Variants in SUGCT observed in about 807,000 individuals in gnomAD.
The protein encoded by SUGCT is succinyl-CoA:glutarate-CoA transferase.
SUGCT carries 41 observed loss-of-function variants against 55.0 expected under a neutral mutation model. That is an observed-to-expected ratio of 0.74 (90% CI 0.58 to 0.97). SUGCT has a LOEUF of 0.97. Ranked by LOEUF, SUGCT falls within the 50% of genes least tolerant of loss-of-function variation. The pLI is 0.00. For synonymous variants in SUGCT, 187 were observed against 200.4 expected (o/e 0.93, Z 0.56); for missense variants, 568 against 547.8 (o/e 1.04, Z -0.37).
intron 12 of SUGCT, among the ~76,000 whole-genome samples, chr7:40,727,399 T>C (rs1363886089): frequency 6.6e-6 from 1 of 152,220 alleles, no homozygotes; most frequent in Non-Finnish European, 1.5e-5. Flanking sequence ...AGCAGTGGAA[T>C]CTAGCCCATT....
At chr7:40,337,345 G>A (rs1796772566) in intron 9 of SUGCT, among the ~76,000 whole-genome samples, 1 of 152,114 alleles carries the variant, frequency 6.6e-6, no homozygotes, top group East Asian at 1.9e-4. Context: ...GTTGACAGTG[G>A]GGTGTTAAAG....
chr7:40,232,599 C>A (rs1416359112), intron 6 of SUGCT, among the ~76,000 whole-genome samples: 1 of 152,098 alleles, frequency 6.6e-6, no homozygotes, highest in African/African-American at 2.4e-5. Flanking sequence ...GGTAGGCAGG[C>A]CAGATCATAT....
chr7:40,265,916 A>C (rs888100856), intron 7 of SUGCT, among the ~76,000 whole-genome samples: 1 of 152,088 alleles, frequency 6.6e-6, no homozygotes, highest in African/African-American at 2.4e-5. Flanking sequence ...ACGCCCCTGC[A>C]CTGCAGCCTG....
chr7:40,564,003 A>C (rs1029378164), intron 12 of SUGCT, among the ~76,000 whole-genome samples: 2 of 152,176 alleles, frequency 1.3e-5, no homozygotes, highest in African/African-American at 4.8e-5. Flanking sequence ...CAGAGAAAAA[A>C]ATATCTAGAA....
intron 12 of SUGCT, among the ~76,000 whole-genome samples, chr7:40,714,974 T>C (rs901975353): frequency 6.6e-6 from 1 of 152,180 alleles, no homozygotes; most frequent in Non-Finnish European, 1.5e-5. Flanking sequence ...AGTTCTATCA[T>C]GTTCCTAAAA....
At chr7:40,142,882 G>T (rs1338583751) in intron 1 of SUGCT, among the ~76,000 whole-genome samples, 1 of 152,152 alleles carries the variant, frequency 6.6e-6, no homozygotes, top group East Asian at 1.9e-4. Context: ...AGCATCTCTA[G>T]TATAGTTAAT....
intron 9 of SUGCT, among the ~76,000 whole-genome samples, chr7:40,376,718 C>T (rs17171703): frequency 0.11 from 16,437 of 149,080 alleles, 1,350 homozygotes; most frequent in East Asian, 0.49. Context: ...AATGTCTTCT[C>T]GTGTCAACAT....
chr7:40,284,993 T>C (rs1236737321), intron 8 of SUGCT, among the ~76,000 whole-genome samples: 2 of 152,158 alleles, frequency 1.3e-5, no homozygotes, highest in African/African-American at 4.8e-5. Context: ...TTCATGGGCA[T>C]TGCATATTTT....
At chr7:40,288,887 C>T (rs752646422) in intron 8 of SUGCT, among the ~76,000 whole-genome samples, 1 of 152,108 alleles carries the variant, frequency 6.6e-6, no homozygotes, top group African/African-American at 2.4e-5. Flanking sequence ...TCTCAATAGC[C>T]ACATGTGGGC....
intron 12 of SUGCT, among the ~76,000 whole-genome samples, chr7:40,704,200 G>A (rs528566708): frequency 6.6e-6 from 1 of 152,318 alleles, no homozygotes; most frequent in African/African-American, 2.4e-5. Context: ...TTGGCTTTGA[G>A]AATAGGAACT....
chr7:40,362,755 G>A lies in SUGCT; in HGVS notation c.816+45900G>A, dbSNP rs1023057953. ...GTCCTTTGAAATGTACAACTCAGTG[G>A]TTTTTTTGTATATTCACAAGTTTGT... On this transcript the variant is annotated intron_variant, in intron 9 of 13. Coordinates refer to ENST00000335693, the MANE Select transcript of SUGCT (RefSeq NM_001193313.2). 5.3e-5 allele frequency among the ~76,000 whole-genome samples: 8 copies of A among 152,080 alleles called. No individual in the cohort carries two copies. The East Asian group carries it at 1.5e-3, about 29-fold the overall frequency.
At chr7:40,827,853 A>T (rs1304443087) in intron 13 of SUGCT, among the ~76,000 whole-genome samples, 3 of 152,230 alleles carry the variant, frequency 2.0e-5, no homozygotes, top group Admixed American at 6.5e-5. Context: ...CCATCCAGCC[A>T]CAGAGAGGCC....
At chr7:40,156,256 G>C (rs1268317538) in intron 1 of SUGCT, among the ~76,000 whole-genome samples, 5 of 152,104 alleles carry the variant, frequency 3.3e-5, no homozygotes, top group Non-Finnish European at 5.9e-5. Flanking sequence ...GAGGTCAGGA[G>C]ATCGAGAGCA....
At chr7:40,640,522 T>C (rs1800223778) in intron 12 of SUGCT, among the ~76,000 whole-genome samples, 2 of 152,326 alleles carry the variant, frequency 1.3e-5, no homozygotes, top group Middle Eastern at 3.4e-3. Context: ...AGGCTATCTA[T>C]AAAAGTGCAG....
intron 10 of SUGCT, among the ~76,000 whole-genome samples, chr7:40,458,795 G>A (rs2151444621): frequency 6.6e-6 from 1 of 152,178 alleles, no homozygotes; most frequent in East Asian, 1.9e-4. Context: ...TTTCTGTGGG[G>A]ATCTGCTAAC....
chr7:40,611,322 A>T (rs1218779883), intron 12 of SUGCT, among the ~76,000 whole-genome samples: 31 of 152,200 alleles, frequency 2.0e-4, no homozygotes, highest in Admixed American at 2.0e-3. Context: ...TTGAAGTGCT[A>T]GTTGTATTTT....
intron 12 of SUGCT, among the ~76,000 whole-genome samples, chr7:40,577,218 C>T (rs1220114165): frequency 1.3e-5 from 2 of 152,122 alleles, no homozygotes; most frequent in East Asian, 1.9e-4. Context: ...ATACAGGAAG[C>T]ACCTGTAAGA....
intron 7 of SUGCT, among the ~76,000 whole-genome samples, chr7:40,257,035 C>T (rs753687695): frequency 1.3e-5 from 2 of 151,924 alleles, no homozygotes; most frequent in Non-Finnish European, 1.5e-5. Flanking sequence ...TGAGCCACTG[C>T]GCCCAGCCTA....
the SUGCT span, among the ~76,000 whole-genome samples, chr7:40,913,526 A>G: frequency 6.6e-6 from 1 of 152,210 alleles, no homozygotes; most frequent in Non-Finnish European, 1.5e-5. Context: ...TTTAGAAAGA[A>G]ATTCCAGAGC....
Sources: allele counts gnomAD v4.1 joint callset (sites outside exome capture counted in the v4.1 genomes callset), GRCh38; gene constraint gnomAD v4.1.1; transcripts MANE v1.5; gene names NCBI Gene and HGNC (gene_info 2026-07-23, HGNC 2026-07-21).